The following LTA4H variants were observed in gnomAD, a reference collection of about 807,000 sequenced individuals.
LTA4H encodes leukotriene A4 hydrolase, also known as leukotriene A-4 hydrolase.
A neutral mutation model predicts 89.8 loss-of-function variants in LTA4H; 59 were observed. That is an observed-to-expected ratio of 0.66 (90% confidence interval 0.53 to 0.82). LTA4H has a LOEUF of 0.82. Among genes scored for constraint, LTA4H ranks in the 40% least tolerant of loss-of-function variants. The pLI, the probability that LTA4H is intolerant of heterozygous loss-of-function variation, is 0.00. For missense variants in LTA4H, 617 were observed against 727.0 expected (o/e 0.85, Z 1.74); for synonymous variants, 227 against 253.1 (o/e 0.90, Z 0.98).
chr12:96,016,794 G>A (rs1003980707), intron 10 of LTA4H, among the ~76,000 whole-genome samples: 10 of 151,704 alleles, frequency 6.6e-5, no homozygotes, highest in African/African-American at 1.5e-4. Flanking sequence ...CCAGCTACTC[G>A]GGAGGCTGAG....
At chr12:96,009,754 C>T (rs1481003592) in intron 14 of LTA4H, 1 of 152,302 alleles carries the variant, frequency 6.6e-6, no homozygotes, top group Non-Finnish European at 1.5e-5. Flanking sequence ...TATTTTGCAA[C>T]AATGGGAAAG....
At chr12:96,032,508 G>A (rs2136919289) in intron 1 of LTA4H, among the ~76,000 whole-genome samples, 1 of 152,278 alleles carries the variant, frequency 6.6e-6, no homozygotes, top group South Asian at 2.1e-4. Context: ...GATACAAAGA[G>A]TTATGAAACA....
chr12:96,028,984 AT>A, intron 2 of LTA4H, 70 bp downstream of exon 2: 1 of 1,299,962 alleles, frequency 7.7e-7, no homozygotes, highest in Middle Eastern at 2.6e-4. Flanking sequence ...AAAAGAAAAA[AT>A]ATTTAAATTA....
At position 96,043,264 on chromosome 12, in the gene LTA4H, C is replaced by G. The variant is rs974745856; in HGVS notation, c.87+25G>C. 6.7e-6 allele frequency: 10 copies of G among 1,496,876 alleles called. No individual in the cohort carries two copies. In the African/African-American group the frequency reaches 1.4e-4, roughly 21 times the overall value. The allele number at this position is 1,496,876 out of a possible 1,614,324, so 92.7% of individuals were successfully genotyped here. On this transcript the variant is annotated intron_variant, in intron 1 of 17. Transcript: ENST00000413268. ...ACTCGACTTGAAAGAACCTCACATG[C>G]CTTGAGAAGGAGCTTGGAACTTACC...
In LTA4H at chr12:96,035,481, C is replaced by A. The variant is rs1289472823; in HGVS notation, c.39G>T (p.Pro13=). Residue 13 remains proline (P), a synonymous_variant, in exon 1 of 19, where the codon CCG becomes CCT. Coordinates refer to ENST00000228740, the MANE Select transcript of LTA4H (RefSeq NM_000895.3). ...EIVDTCSLAS[P]ASVCRTKHLH... ...GGTGCTTGGTCCGGCAGACGGAAGC[C>A]GGAGAGGCCAACGAACAGGTATCCA... 1 of 1,608,996 alleles carries A rather than the reference C, an allele frequency of 6.2e-7. No individual in the cohort carries two copies. The highest frequency in any genetic ancestry group is 8.5e-7 in the Non-Finnish European group (1 of 1,177,790).
In LTA4H at chr12:96,022,585, T is replaced by C. The variant is rs78307809; in HGVS notation, c.481-334A>G. ...TCTTTAAAAGTGAATGTGAAATTTC[T>C]ATCCATTCACCCATGCACATTAAGA... On this transcript the variant is annotated intron_variant, in intron 4 of 18. Transcript: ENST00000228740. The surrounding 1 kb of genome is among the most constrained non-coding windows in gnomAD (Gnocchi z 4.0). Among the ~76,000 whole-genome samples the C allele has an allele frequency of 6.4e-3, 978 of 152,314 alleles. 5 individuals are homozygous for C. The highest frequency in any genetic ancestry group is 0.014 in the Middle Eastern group (4 of 294).
upstream of LTA4H, among the ~76,000 whole-genome samples, chr12:96,040,304 C>T (rs1592906127): frequency 6.6e-6 from 1 of 152,192 alleles, no homozygotes; most frequent in Non-Finnish European, 1.5e-5. Flanking sequence ...TTTCTTCTTT[C>T]CTCTCCAGGT....
At chr12:96,043,229 G>T in intron 1 of LTA4H, 4 of 1,209,570 alleles carry the variant, frequency 3.3e-6, no homozygotes, top group African/African-American at 3.0e-5. Flanking sequence ...AATTGAAGGG[G>T]TAGGCAGGGA....
chr12:96,030,111 C>T (rs1950556643), intron 1 of LTA4H, among the ~76,000 whole-genome samples: 1 of 152,190 alleles, frequency 6.6e-6, no homozygotes, highest in African/African-American at 2.4e-5. Context: ...ACCTTGACCT[C>T]TGTCTACTCA....
At chr12:96,013,296 C>T (rs1389300423) in intron 13 of LTA4H, 38 bp from the exon 14 acceptor site, 1 of 1,445,560 alleles carries the variant, frequency 6.9e-7, no homozygotes, top group Non-Finnish European at 9.7e-7. Context: ...CAATAGAATG[C>T]CCTTTCCTGT....
upstream of LTA4H, among the ~76,000 whole-genome samples, chr12:96,037,077 A>G (rs1238972111): frequency 6.6e-6 from 1 of 152,258 alleles, no homozygotes; most frequent in Non-Finnish European, 1.5e-5. Flanking sequence ...ACTGGAGATT[A>G]TAATTCAACA....
chr12:96,021,084 C>G lies in LTA4H; in HGVS notation c.638+1G>C. 1 of 1,599,862 alleles carries G rather than the reference C, an allele frequency of 6.3e-7. No homozygotes were observed. Among genetic ancestry groups the G allele is most frequent in the Non-Finnish European group, 8.5e-7 (1 of 1,175,806 alleles). On this transcript the variant is annotated splice_donor_variant, in intron 6 of 18. Coordinates refer to ENST00000228740, the MANE Select transcript of LTA4H (RefSeq NM_000895.3). LOFTEE classifies it high-confidence loss of function. ...ACCTGAAAATTTTTCCAAAAGCTCACCTGCTTTCTAAAGCTCCAACAACTA... is the reference window on the plus strand; with the variant it reads ...ACCTGAAAATTTTTCCAAAAGCTCAGCTGCTTTCTAAAGCTCCAACAACTA...
Position 96,022,599 on chromosome 12 carries a change from T to C in LTA4H, c.481-348A>G, listed in dbSNP as rs1003065764. ...TGTGAAATTTCTATCCATTCACCCA[T>C]GCACATTAAGAGCAGAGTTTTGGTA... On this transcript the variant is annotated intron_variant, in intron 4 of 18. Transcript: ENST00000228740. The surrounding 1 kb of genome is among the most constrained non-coding windows in gnomAD (Gnocchi z 4.0). Among the ~76,000 whole-genome samples the C allele has an allele frequency of 2.6e-5, 4 of 152,204 alleles. No homozygotes were observed. The highest frequency in any genetic ancestry group is 1.5e-5 in the Non-Finnish European group (1 of 68,036).
Position 96,022,359 on chromosome 12 carries a change from AGACT to A in LTA4H, c.481-112_481-109del, listed in dbSNP as rs758960330. On this transcript the variant is annotated intron_variant, in intron 4 of 18. Transcript: ENST00000228740. This position sits in a 1 kb window ranked among gnomAD's most constrained non-coding sequence, Gnocchi z 4.0. ...TCCCATTCTTGACTATCTAATAAAC[AGACT>A]ATGAACACAAAAAGTATATACATAT... 2 of 695,016 alleles carry A rather than the reference AGACT, an allele frequency of 2.9e-6. No homozygotes were observed. The highest frequency in any genetic ancestry group is 2.7e-5 in the East Asian group (1 of 36,700). The allele number at this position is 695,016 out of a possible 1,614,324, so 43.1% of individuals were successfully genotyped here.
At chr12:96,039,085 T>G (rs1950669427), upstream of LTA4H, among the ~76,000 whole-genome samples, 1 of 152,000 alleles carries the variant, frequency 6.6e-6, no homozygotes, top group East Asian at 1.9e-4. Context: ...TTCCACTGCA[T>G]CTATAAAAGA....
At chr12:96,024,266 T>C (rs1452985481) in intron 4 of LTA4H, among the ~76,000 whole-genome samples, 1 of 152,170 alleles carries the variant, frequency 6.6e-6, no homozygotes, top group Admixed American at 6.5e-5. Context: ...TTGGTTTCCA[T>C]TTCCTTTTTT....
intron 17 of LTA4H, 55 bp from the exon 18 acceptor site, chr12:96,003,119 A>G: frequency 9.2e-7 from 1 of 1,088,692 alleles, no homozygotes; most frequent in Non-Finnish European, 1.4e-6. Context: ...GGGGCAGGAT[A>G]TGACAGGTAT....
intron 2 of LTA4H, among the ~76,000 whole-genome samples, chr12:96,028,228 G>A (rs1404967423): frequency 3.9e-5 from 6 of 152,150 alleles, no homozygotes; most frequent in Non-Finnish European, 7.4e-5. Context: ...GAGACCAGCA[G>A]CCCTGCTGGT....
intron 11 of LTA4H, 87 bp from the exon 12 acceptor site, chr12:96,015,086 C>G: frequency 1.6e-6 from 2 of 1,246,646 alleles, no homozygotes; most frequent in Non-Finnish European, 2.2e-6. Context: ...TTACTTCACT[C>G]AGTGGTGTAA....
Sources: allele counts gnomAD v4.1 joint callset (sites outside exome capture counted in the v4.1 genomes callset), GRCh38; gene constraint gnomAD v4.1.1; non-coding constraint Gnocchi (gnomAD v3.1); transcripts MANE v1.5; gene names NCBI Gene and HGNC (gene_info 2026-07-23, HGNC 2026-07-21).